Variants in BTBD9 observed in about 807,000 individuals in gnomAD.
BTBD9 encodes the protein BTB domain containing 9.
Under a neutral mutation model 64.3 loss-of-function variants are expected in BTBD9, and 49 were observed. The observed-to-expected ratio is 0.76, with a 90% CI of 0.61 to 0.97. The LOEUF (loss-of-function observed/expected upper bound fraction) is 0.97, where lower values mean the gene tolerates loss of function less well. Among genes scored for constraint, BTBD9 ranks in the 50% least tolerant of loss-of-function variants. BTBD9 has a pLI of 0.00. For synonymous variants in BTBD9, 260 were observed against 274.7 expected (o/e 0.95, Z 0.53); for missense variants, 598 against 762.1 (o/e 0.78, Z 2.53).
intron 6 of BTBD9, among the ~76,000 whole-genome samples, chr6:38,513,266 T>C (rs552337274): frequency 1.3e-5 from 2 of 152,158 alleles, no homozygotes; most frequent in African/African-American, 4.8e-5. Flanking sequence ...ATCAACGTGG[T>C]GAAACCCCGT....
At chr6:38,338,044 G>A (rs966923427) in intron 7 of BTBD9, among the ~76,000 whole-genome samples, 1 of 152,194 alleles carries the variant, frequency 6.6e-6, no homozygotes, top group African/African-American at 2.4e-5. Context: ...GACAGCTTCA[G>A]CAACAGAGTT....
At chr6:38,566,539 C>A (rs1209834807) in intron 6 of BTBD9, among the ~76,000 whole-genome samples, 1 of 152,092 alleles carries the variant, frequency 6.6e-6, no homozygotes, top group Non-Finnish European at 1.5e-5. Context: ...AAAATAAGTC[C>A]CTTGAAATCA....
chr6:38,598,479 T>C (rs1009543679), intron 1 of BTBD9, among the ~76,000 whole-genome samples: 2 of 152,166 alleles, frequency 1.3e-5, no homozygotes, highest in Admixed American at 1.3e-4. Context: ...CATAGATATA[T>C]TGAGCAAGGT....
chr6:38,325,116 C>T (rs1035069233), intron 7 of BTBD9, among the ~76,000 whole-genome samples: 1 of 151,924 alleles, frequency 6.6e-6, no homozygotes. Flanking sequence ...AATCTTAATA[C>T]TGGGTGAGAA....
At position 38,517,919 on chromosome 6, in the gene BTBD9, G is replaced by A. The variant is rs569282743; in HGVS notation, c.1154+59681C>T. Among the ~76,000 whole-genome samples the A allele has an allele frequency of 1.2e-4, 18 of 152,270 alleles. No homozygotes were observed. The South Asian group carries it at 2.1e-3, about 18-fold the overall frequency. On this transcript the variant is annotated intron_variant, in intron 6 of 10. Coordinates refer to ENST00000481247, the MANE Select transcript of BTBD9 (RefSeq NM_001099272.2). ...CACCTTAATCCTCACCTCAGGCTCT[G>A]TTTTCCAGAGAACCCAAGGCTTAGC...
At chr6:38,411,674 AC>A (rs994910070) in intron 6 of BTBD9, among the ~76,000 whole-genome samples, 1 of 152,078 alleles carries the variant, frequency 6.6e-6, no homozygotes, top group African/African-American at 2.4e-5. Context: ...AGTGACTCAC[AC>A]CAGTAATCCC....
At chr6:38,392,626 G>C (rs1251754649) in intron 6 of BTBD9, among the ~76,000 whole-genome samples, 2 of 152,256 alleles carry the variant, frequency 1.3e-5, no homozygotes, top group East Asian at 3.9e-4. Flanking sequence ...AAAAGAAAAA[G>C]TTTCAGAGAT....
chr6:38,511,312 T>C (rs762595288), intron 6 of BTBD9, among the ~76,000 whole-genome samples: 1 of 151,710 alleles, frequency 6.6e-6, no homozygotes, highest in Non-Finnish European at 1.5e-5. Flanking sequence ...TCCTCATCTG[T>C]GTCTGTTCCA....
In BTBD9 at chr6:38,192,398, C is replaced by A. The variant is rs912529659; in HGVS notation, c.1641+121G>T. The A allele has an allele frequency of 9.3e-6, 8 of 858,624 alleles. No homozygotes were observed. The Admixed American group carries it at 1.5e-4, about 16-fold the overall frequency. 53.2% of individuals were successfully genotyped at this position (858,624 alleles called of 1,614,324 possible). On this transcript the variant is annotated intron_variant, in intron 10 of 10. Transcript: ENST00000481247. ...TGCAACTGCAGGACTTTCTCCACAC[C>A]AAGCTGTCTGAATAGCAGGCCATTA...
intron 6 of BTBD9, among the ~76,000 whole-genome samples, chr6:38,464,173 C>T (rs1002361856): frequency 3.3e-5 from 5 of 152,036 alleles, no homozygotes; most frequent in African/African-American, 1.2e-4. Flanking sequence ...CATTTGCAAG[C>T]CAAGGAGAGA....
At chr6:38,532,417 C>T (rs375654605) in intron 6 of BTBD9, among the ~76,000 whole-genome samples, 3 of 152,150 alleles carry the variant, frequency 2.0e-5, no homozygotes, top group East Asian at 1.9e-4. Flanking sequence ...GGCTCAGAGC[C>T]GAGGGACTGA....
At position 38,232,274 on chromosome 6, in the gene BTBD9, C is replaced by CT. The variant is rs990677793; in HGVS notation, c.1562+24134dup. On this transcript the variant is annotated intron_variant, in intron 9 of 10. Coordinates refer to ENST00000481247, the MANE Select transcript of BTBD9 (RefSeq NM_001099272.2). ...GGAAATGTCCCATAGTCTCTGTTTT[C>CT]TTTTTTTTTTTTTTTAGACGGAGTC... is the stretch of plus-strand genomic sequence containing the variant. Among the ~76,000 whole-genome samples the CT allele has an allele frequency of 2.9e-3, 406 of 140,730 alleles. 1 individual carries two copies. The highest frequency in any genetic ancestry group is 3.7e-3 in the Middle Eastern group (1 of 268). The allele number at this position is 140,730 out of a possible 152,430, so 92.3% of individuals were successfully genotyped here. A position where few individuals can be genotyped will look rare whatever the true frequency, so the allele number is the denominator to read the frequency against.
chr6:38,549,928 CCT>C (rs1774723586), intron 6 of BTBD9, among the ~76,000 whole-genome samples: 1 of 152,084 alleles, frequency 6.6e-6, no homozygotes, highest in South Asian at 2.1e-4. Context: ...ATCACTCCAT[CCT>C]CTGTGAAAAC....
chr6:38,272,643 C>G (rs1173253696), intron 8 of BTBD9, among the ~76,000 whole-genome samples: 1 of 152,026 alleles, frequency 6.6e-6, no homozygotes, highest in East Asian at 1.9e-4. Flanking sequence ...TGAACACAAC[C>G]GTGACAAAGT....
chr6:38,233,601 TTGGC>T, intron 9 of BTBD9, among the ~76,000 whole-genome samples: 1 of 152,354 alleles, frequency 6.6e-6, no homozygotes, highest in Admixed American at 6.5e-5. Context: ...GTGGCCTTAC[TTGGC>T]CTGCCAGCGC....
chr6:38,580,038 A>T lies in BTBD9; in HGVS notation c.1034+180T>A, dbSNP rs554369788. ...TATTTTTATAAGAAGAAACAAACAA[A>T]AAAGTGTATTTCTTTTAAAGAAATA... On this transcript the variant is annotated intron_variant, in intron 5 of 10. Coordinates refer to ENST00000481247, the MANE Select transcript of BTBD9 (RefSeq NM_001099272.2). 2.0e-5 allele frequency among the ~76,000 whole-genome samples: 3 copies of T among 152,384 alleles called. No individual in the cohort carries two copies. The South Asian group carries it at 6.2e-4, about 32-fold the overall frequency.
At chr6:38,632,739 C>T (rs898936533) in intron 1 of BTBD9, among the ~76,000 whole-genome samples, 1 of 151,842 alleles carries the variant, frequency 6.6e-6, no homozygotes, top group African/African-American at 2.4e-5. Context: ...CAAGAACAGC[C>T]TAGGCAAACA....
intron 7 of BTBD9, among the ~76,000 whole-genome samples, chr6:38,304,235 A>G (rs894093143): frequency 6.6e-6 from 1 of 151,878 alleles, no homozygotes; most frequent in Admixed American, 6.6e-5. Context: ...CAACTCTACT[A>G]TCTAATTCAT....
At chr6:38,539,487 G>A (rs1774169692) in intron 6 of BTBD9, among the ~76,000 whole-genome samples, 1 of 152,156 alleles carries the variant, frequency 6.6e-6, no homozygotes, top group Non-Finnish European at 1.5e-5. Flanking sequence ...ATAACCAGAA[G>A]ACCACTGTTC....
Sources: gnomAD v4.1 joint callset for allele counts (sites outside exome capture counted in the v4.1 genomes callset) on GRCh38, gnomAD v4.1.1 for gene constraint, MANE v1.5 for transcripts, NCBI Gene and HGNC (gene_info 2026-07-23, HGNC 2026-07-21) for gene names.